MCTP1: variants seen among roughly 807,000 people sequenced by gnomAD.
MCTP1 encodes multiple C2 and transmembrane domain containing 1.
Under a neutral mutation model 120.6 loss-of-function variants are expected in MCTP1, and 69 were observed. The ratio of observed to expected loss-of-function variants is 0.57; its 90% CI spans 0.47 to 0.70. MCTP1 has a LOEUF of 0.70. Among genes scored for constraint, MCTP1 ranks in the 30% least tolerant of loss-of-function variants. The pLI is 0.00. For synonymous variants in MCTP1, 529 were observed against 493.1 expected (o/e 1.07, Z -0.96); for missense variants, 1,203 against 1,248.8 (o/e 0.96, Z 0.55).
At chr5:94,842,149 A>G (rs996160200) in intron 17 of MCTP1, among the ~76,000 whole-genome samples, 3 of 152,224 alleles carry the variant, frequency 2.0e-5, no homozygotes, top group African/African-American at 7.2e-5. Flanking sequence ...GCAGTGCTTA[A>G]AAGAGACTTG....
intron 19 of MCTP1, among the ~76,000 whole-genome samples, chr5:94,755,281 C>T (rs532609660): frequency 1.8e-4 from 27 of 152,306 alleles, no homozygotes; most frequent in Admixed American, 1.3e-3. Context: ...ACTTCTGAGA[C>T]CCTGATCCTC....
At chr5:94,791,144 C>T (rs201953642) in intron 18 of MCTP1, among the ~76,000 whole-genome samples, 1 of 129,880 alleles carries the variant, frequency 7.7e-6, no homozygotes, top group African/African-American at 2.8e-5. Context: ...GAAAAAAATA[C>T]AAAAATTAGC....
At chr5:95,177,196 C>A (rs1434704459) in intron 1 of MCTP1, among the ~76,000 whole-genome samples, 1 of 151,598 alleles carries the variant, frequency 6.6e-6, no homozygotes, top group Non-Finnish European at 1.5e-5. Context: ...CACATACACA[C>A]AGAGAGAAAG....
intron 19 of MCTP1, among the ~76,000 whole-genome samples, chr5:94,776,724 T>G (rs1366181743): frequency 6.6e-6 from 1 of 152,194 alleles, no homozygotes; most frequent in Non-Finnish European, 1.5e-5. Flanking sequence ...ACACATTTGT[T>G]TTCTCATGAA....
intron 2 of MCTP1, among the ~76,000 whole-genome samples, chr5:95,004,099 G>A (rs1210151114): frequency 6.6e-6 from 1 of 152,174 alleles, no homozygotes; most frequent in African/African-American, 2.4e-5. Context: ...CACTCTTGCT[G>A]TGCTTTACCA....
chr5:94,792,438 G>A (rs1580717467), intron 18 of MCTP1: 3 of 152,296 alleles, frequency 2.0e-5, no homozygotes, highest in African/African-American at 4.8e-5. Flanking sequence ...TGGACTGGGT[G>A]AATAGGAGTT....
At chr5:94,993,963 TTC>T (rs1832106481) in intron 2 of MCTP1, among the ~76,000 whole-genome samples, 1 of 152,178 alleles carries the variant, frequency 6.6e-6, no homozygotes, top group Non-Finnish European at 1.5e-5. Flanking sequence ...CCCATTGAAA[TTC>T]TCTGCTTCAT....
Position 94,868,442 on chromosome 5 carries a change from C to T in MCTP1, c.2327G>A (p.Arg776Lys). 1 of 1,599,718 alleles carries T rather than the reference C, an allele frequency of 6.3e-7. No individual in the cohort carries two copies. The highest frequency in any genetic ancestry group is 1.1e-5 in the South Asian group (1 of 88,180). Residue 776 changes from arginine (R) to lysine (K), a missense_variant, in exon 17 of 23, where the codon AGA (arginine) becomes AAA (lysine). This residue lies in a region of MCTP1 where 740 missense variants were observed against 871.1 expected (regional missense o/e 0.85). Coordinates refer to ENST00000515393, the MANE Select transcript of MCTP1 (RefSeq NM_024717.7). ...ACAACGTTTCATTCTGATAAAGTTT[C>T]TTAGTAGCAGCTGTAAGGAAAATGA... ...ENRLSKQLLL[R>K]NFIRMKRCVM...
chr5:94,930,177 G>C (rs1581414087), intron 6 of MCTP1, among the ~76,000 whole-genome samples: 1 of 149,618 alleles, frequency 6.7e-6, no homozygotes, highest in Non-Finnish European at 1.5e-5. Context: ...TCTGTATATG[G>C]AACAAAAATA....
intron 17 of MCTP1, among the ~76,000 whole-genome samples, chr5:94,804,747 CA>C (rs1781958661): frequency 6.6e-6 from 1 of 152,124 alleles, no homozygotes; most frequent in Non-Finnish European, 1.5e-5. Context: ...CTATGCTTTT[CA>C]AATTATAAAT....
chr5:94,838,215 G>A (rs1304729258), intron 17 of MCTP1, among the ~76,000 whole-genome samples: 1 of 152,194 alleles, frequency 6.6e-6, no homozygotes, highest in Non-Finnish European at 1.5e-5. Context: ...CACTTACCCA[G>A]CATCTTTCCT....
At chr5:94,984,763 C>G (rs1398708078) in intron 2 of MCTP1, among the ~76,000 whole-genome samples, 2 of 152,076 alleles carry the variant, frequency 1.3e-5, no homozygotes, top group African/African-American at 4.8e-5. Context: ...TGCAAAACTT[C>G]AAGTATGAAT....
chr5:94,753,407 A>T (rs913357776), intron 19 of MCTP1, among the ~76,000 whole-genome samples: 9 of 152,194 alleles, frequency 5.9e-5, no homozygotes, highest in Non-Finnish European at 1.3e-4. Context: ...CAGTATTCTT[A>T]TAGGGAAAAG....
intron 7 of MCTP1, among the ~76,000 whole-genome samples, chr5:94,920,272 GTTTT>G (rs5869657): frequency 2.3e-5 from 3 of 128,206 alleles, no homozygotes; most frequent in African/African-American, 2.8e-5. Flanking sequence ...ACAGAGACCT[GTTTT>G]TTTTTTTTTT....
intron 1 of MCTP1, among the ~76,000 whole-genome samples, chr5:95,123,487 C>T (rs977897087): frequency 1.1e-4 from 17 of 152,158 alleles, no homozygotes; most frequent in Non-Finnish European, 2.2e-4. Flanking sequence ...ATGACATCCA[C>T]CTTGAGTTTT....
intron 17 of MCTP1, among the ~76,000 whole-genome samples, chr5:94,805,483 C>T (rs183290898): frequency 2.6e-5 from 4 of 152,128 alleles, no homozygotes; most frequent in South Asian, 2.1e-4. Flanking sequence ...AAAAATGTAG[C>T]TGGGCCCGGT....
chr5:95,153,170 C>T (rs1744724185), intron 1 of MCTP1, among the ~76,000 whole-genome samples: 2 of 152,188 alleles, frequency 1.3e-5, no homozygotes, highest in South Asian at 4.2e-4. Context: ...GGGTGGTTCT[C>T]CCATGCTGTT....
At chr5:95,171,089 C>G (rs1747214887) in intron 1 of MCTP1, among the ~76,000 whole-genome samples, 3 of 151,878 alleles carry the variant, frequency 2.0e-5, no homozygotes, top group Admixed American at 2.0e-4. Context: ...TTCAGGAGCT[C>G]TTGTAGGGCA....
intron 1 of MCTP1, among the ~76,000 whole-genome samples, chr5:95,217,497 C>T (rs772033214): frequency 5.9e-5 from 9 of 152,082 alleles, no homozygotes; most frequent in Admixed American, 2.6e-4. Flanking sequence ...TTAGTAAAGC[C>T]GGTCTTGGCC....
Sources: gnomAD v4.1 joint callset for allele counts (sites outside exome capture counted in the v4.1 genomes callset) on GRCh38, gnomAD v4.1.1 for gene constraint, gnomAD v4.1.1 regional missense constraint, MANE v1.5 for transcripts, NCBI Gene and HGNC (gene_info 2026-07-23, HGNC 2026-07-21) for gene names.